The following PDGFC variants were observed in gnomAD, a reference collection of about 807,000 sequenced individuals.
The protein encoded by PDGFC is platelet-derived growth factor C.
In PDGFC, 12 loss-of-function variants were observed where a neutral mutation model predicts 35.5. That is an observed-to-expected ratio of 0.34 (90% confidence interval 0.22 to 0.55). PDGFC has a LOEUF of 0.55. Ranked by LOEUF, PDGFC falls within the 20% of genes least tolerant of loss-of-function variation. PDGFC has a pLI of 0.91. For missense variants in PDGFC, 322 were observed against 412.4 expected (o/e 0.78, Z 1.90); for synonymous variants, 159 against 148.8 (o/e 1.07, Z -0.50).
At chr4:156,802,734 A>C (rs1318930913) in intron 3 of PDGFC, among the ~76,000 whole-genome samples, 1 of 152,190 alleles carries the variant, frequency 6.6e-6, no homozygotes, top group Non-Finnish European at 1.5e-5. Context: ...TGTTTTGAAG[A>C]AACTGACTAA....
intron 1 of PDGFC, among the ~76,000 whole-genome samples, chr4:156,936,445 G>A (rs1427140079): frequency 6.6e-6 from 1 of 152,100 alleles, no homozygotes; most frequent in African/African-American, 2.4e-5. Context: ...TTTAATAAAT[G>A]ATTACTTTGT....
chr4:156,770,637 T>G (rs1039614412), intron 4 of PDGFC: 3 of 152,110 alleles, frequency 2.0e-5, no homozygotes, highest in African/African-American at 7.2e-5. Flanking sequence ...CTTTTCATAA[T>G]TATCTCCTAA....
intron 1 of PDGFC, among the ~76,000 whole-genome samples, chr4:156,901,894 G>A (rs1358099210): frequency 6.6e-6 from 1 of 152,160 alleles, no homozygotes; most frequent in Non-Finnish European, 1.5e-5. Flanking sequence ...TTATAGGCAT[G>A]AGCCACGGAG....
intron 4 of PDGFC, among the ~76,000 whole-genome samples, chr4:156,769,781 T>C (rs972659494): frequency 6.6e-6 from 1 of 152,026 alleles, no homozygotes; most frequent in Non-Finnish European, 1.5e-5. Flanking sequence ...GATCTAATAG[T>C]ATATGCATAC....
At chr4:156,892,030 GC>G (rs1730525224) in intron 1 of PDGFC, among the ~76,000 whole-genome samples, 1 of 152,174 alleles carries the variant, frequency 6.6e-6, no homozygotes, top group African/African-American at 2.4e-5. Flanking sequence ...CATTTACTGA[GC>G]CACAGGCTTC....
chr4:156,969,741 G>A (rs1458140650), intron 1 of PDGFC, among the ~76,000 whole-genome samples: 1 of 152,156 alleles, frequency 6.6e-6, no homozygotes, highest in Non-Finnish European at 1.5e-5. Flanking sequence ...ATTCTGAATA[G>A]ATGATATACA....
At chr4:156,781,881 A>G (rs2110849495) in intron 3 of PDGFC, among the ~76,000 whole-genome samples, 1 of 152,318 alleles carries the variant, frequency 6.6e-6, no homozygotes, top group African/African-American at 2.4e-5. Context: ...ATATTTAGGG[A>G]TTATCATACA....
chr4:156,792,942 A>T (rs183834890), intron 3 of PDGFC, among the ~76,000 whole-genome samples: 1 of 152,244 alleles, frequency 6.6e-6, no homozygotes, highest in African/African-American at 2.4e-5. Context: ...CAGGGGACAG[A>T]TGGACTCTGG....
At chr4:156,850,512 G>A in intron 1 of PDGFC, 96 bp from the exon 2 acceptor site, 1 of 584,474 alleles carries the variant, frequency 1.7e-6, no homozygotes. Context: ...CCTCAGACAA[G>A]TGCTGAGTGT....
chr4:156,847,221 C>T (rs151145195), intron 2 of PDGFC, among the ~76,000 whole-genome samples: 15 of 151,494 alleles, frequency 9.9e-5, no homozygotes, highest in Admixed American at 3.3e-4. Flanking sequence ...AATATATTAC[C>T]GTAGCAGAGC....
chr4:156,778,795 A>G (rs1233348364), intron 3 of PDGFC, among the ~76,000 whole-genome samples: 1 of 152,220 alleles, frequency 6.6e-6, no homozygotes, highest in Non-Finnish European at 1.5e-5. Flanking sequence ...TGAGTAGCAT[A>G]GCAACTGTTG....
chr4:156,966,959 A>C (rs1732480907), intron 1 of PDGFC, among the ~76,000 whole-genome samples: 1 of 152,162 alleles, frequency 6.6e-6, no homozygotes, highest in Admixed American at 6.5e-5. Flanking sequence ...ATCATTACAT[A>C]ATGGCACTGT....
intron 1 of PDGFC, among the ~76,000 whole-genome samples, chr4:156,871,023 T>C (rs991098595): frequency 9.2e-5 from 14 of 152,070 alleles, no homozygotes; most frequent in South Asian, 6.2e-4. Flanking sequence ...GCAAACAAAA[T>C]GATTCTTCAC....
chr4:156,789,448 A>C (rs563601702), intron 3 of PDGFC, among the ~76,000 whole-genome samples: 1 of 152,332 alleles, frequency 6.6e-6, no homozygotes, highest in Non-Finnish European at 1.5e-5. Context: ...GGGCATTCAA[A>C]GACTGGGTGT....
At chr4:156,959,000 T>G (rs186062331) in intron 1 of PDGFC, among the ~76,000 whole-genome samples, 29 of 152,178 alleles carry the variant, frequency 1.9e-4, no homozygotes, top group Non-Finnish European at 3.7e-4. Flanking sequence ...AGTCTACTCT[T>G]GTAAGCCAGA....
intron 2 of PDGFC, among the ~76,000 whole-genome samples, chr4:156,824,885 G>T (rs1377521217): frequency 6.6e-6 from 1 of 152,034 alleles, no homozygotes; most frequent in Non-Finnish European, 1.5e-5. Context: ...AGGCCTGCTG[G>T]GTGTGATGCC....
At chr4:156,821,681 G>A (rs1356326206) in intron 2 of PDGFC, among the ~76,000 whole-genome samples, 2 of 152,096 alleles carry the variant, frequency 1.3e-5, no homozygotes, top group African/African-American at 2.4e-5. Context: ...TGGCGTAGCC[G>A]GGATTACAGG....
chr4:156,926,567 C>T (rs1731419551), intron 1 of PDGFC, among the ~76,000 whole-genome samples: 1 of 152,206 alleles, frequency 6.6e-6, no homozygotes, highest in African/African-American at 2.4e-5. Context: ...AAAGGGGCGA[C>T]CAGCCCCATG....
intron 1 of PDGFC, among the ~76,000 whole-genome samples, chr4:156,857,970 G>A (rs1729622375): frequency 6.6e-6 from 1 of 152,072 alleles, no homozygotes; most frequent in South Asian, 2.1e-4. Context: ...GTTTCTCAGT[G>A]TTGTGAATAA....
Sources: allele counts gnomAD v4.1 joint callset (sites outside exome capture counted in the v4.1 genomes callset), GRCh38; gene constraint gnomAD v4.1.1; transcripts MANE v1.5; gene names NCBI Gene and HGNC (gene_info 2026-07-23, HGNC 2026-07-21).